CARF: variants seen among roughly 807,000 people sequenced by gnomAD.
The protein encoded by CARF is calcium-responsive transcription factor.
In CARF, 57 loss-of-function variants were observed where a neutral mutation model predicts 82.0. That is an observed-to-expected ratio of 0.70 (90% CI 0.56 to 0.87). The LOEUF is 0.87. Ranked by LOEUF, CARF falls within the 40% of genes least tolerant of loss-of-function variation. The pLI, the probability that CARF is intolerant of heterozygous loss-of-function variation, is 0.00. For missense variants in CARF, 771 were observed against 855.8 expected (o/e 0.90, Z 1.24); for synonymous variants, 268 against 290.1 (o/e 0.92, Z 0.77).
intron 9 of CARF, among the ~76,000 whole-genome samples, chr2:202,965,870 G>A (rs1305773206): frequency 1.6e-4 from 25 of 152,142 alleles, no homozygotes; most frequent in Admixed American, 1.6e-3. Context: ...CCCAAACGTA[G>A]TGGCTGAAAA....
At chr2:202,928,067 G>A (rs1254417256) in intron 3 of CARF, among the ~76,000 whole-genome samples, 1 of 152,160 alleles carries the variant, frequency 6.6e-6, no homozygotes, top group Non-Finnish European at 1.5e-5. Flanking sequence ...ACAGGCATGA[G>A]CAACCGCACT....
intron 2 of CARF, among the ~76,000 whole-genome samples, chr2:202,919,541 G>C (rs1406738707): frequency 1.3e-5 from 2 of 152,156 alleles, no homozygotes; most frequent in East Asian, 1.9e-4. Context: ...TGCATAGTTA[G>C]AGCTCTAGCT....
At chr2:202,959,952 CA>C (rs555377733) in intron 8 of CARF, among the ~76,000 whole-genome samples, 3 of 151,774 alleles carry the variant, frequency 2.0e-5, no homozygotes, top group East Asian at 1.9e-4. Context: ...AGAGAGCTTA[CA>C]AAAAATACGT....
At chr2:202,936,011 A>C (rs1339645915) in intron 3 of CARF, among the ~76,000 whole-genome samples, 1 of 151,924 alleles carries the variant, frequency 6.6e-6, no homozygotes, top group Non-Finnish European at 1.5e-5. Context: ...TCTTGTAGAA[A>C]TGGGATCTCA....
In CARF at chr2:202,977,149, A is replaced by C. The variant is rs555760339; in HGVS notation, c.1495-120A>C. 12 of 703,742 alleles carry C rather than the reference A, an allele frequency of 1.7e-5. No individual in the cohort carries two copies. The South Asian group carries it at 2.0e-4, about 12-fold the overall frequency. The allele number at this position is 703,742 out of a possible 1,614,324, so 43.6% of individuals were successfully genotyped here. On this transcript the variant is annotated intron_variant, in intron 13 of 16. Transcript: ENST00000438828. ...GTGCTTGAAGAATATGAACAAGTGA[A>C]GAGAGTAGTTGCAGAATAAATCACA... is the stretch of plus-strand genomic sequence containing the variant.
At position 202,960,051 on chromosome 2, in the gene CARF, A is replaced by C. The variant is rs117022205; in HGVS notation, c.643-1186A>C. On this transcript the variant is annotated intron_variant, in intron 8 of 16. Coordinates refer to ENST00000438828, the MANE Select transcript of CARF (RefSeq NM_024744.17). Reference sequence around the variant, plus strand: ...GGAACATAAATGGAAGTAAGAAAATACATGTCTTAACCAACTGTGTGTGTG... The same window carrying C: ...GGAACATAAATGGAAGTAAGAAAATCCATGTCTTAACCAACTGTGTGTGTG... 2.0e-4 allele frequency among the ~76,000 whole-genome samples: 30 copies of C among 152,306 alleles called. No homozygotes were observed. In the East Asian group the frequency reaches 5.8e-3, roughly 29 times the overall value.
At chr2:202,969,856 A>G (rs1395459510) in intron 10 of CARF, 63 bp from the exon 11 acceptor site, 1 of 1,080,282 alleles carries the variant, frequency 9.3e-7, no homozygotes, top group Non-Finnish European at 1.3e-6. Flanking sequence ...CTTCTGGTTG[A>G]TAAGATAGAT....
In CARF at chr2:202,952,681, T is replaced by A; in HGVS notation, c.427+2T>A. 6.2e-7 allele frequency: 1 copy of A among 1,606,320 alleles called. No homozygotes were observed. The highest frequency in any genetic ancestry group is 2.2e-5 in the East Asian group (1 of 44,822). ...TTGTGGATGTGAATAGTCCTCGGGG[T>A]GAGTAACAACGGGATATAGGGGATT... On this transcript the variant is annotated splice_donor_variant, in intron 6 of 16. Coordinates refer to ENST00000438828, the MANE Select transcript of CARF (RefSeq NM_024744.17). LOFTEE classifies it high-confidence loss of function.
At chr2:202,939,199 G>A (rs891201576) in intron 3 of CARF, among the ~76,000 whole-genome samples, 4 of 152,030 alleles carry the variant, frequency 2.6e-5, no homozygotes, top group African/African-American at 9.7e-5. Flanking sequence ...TTGAAAAATT[G>A]CCAGCCATTA....
At chr2:202,951,789 T>C (rs759135295) in intron 5 of CARF, among the ~76,000 whole-genome samples, 3 of 152,050 alleles carry the variant, frequency 2.0e-5, no homozygotes, top group African/African-American at 4.8e-5. Context: ...ATATAAATGC[T>C]GAGATACCAA....
intron 1 of CARF, among the ~76,000 whole-genome samples, chr2:202,916,613 A>T (rs1689714101): frequency 6.6e-6 from 1 of 152,222 alleles, no homozygotes; most frequent in Non-Finnish European, 1.5e-5. Flanking sequence ...CTTTCTCTTT[A>T]ATTACCCTAT....
intron 8 of CARF, among the ~76,000 whole-genome samples, chr2:202,957,391 T>G (rs757886195): frequency 2.5e-4 from 38 of 152,162 alleles, no homozygotes; most frequent in Non-Finnish European, 4.7e-4. Context: ...CCTACTTTAT[T>G]TCCTACTTTT....
intron 3 of CARF, among the ~76,000 whole-genome samples, chr2:202,927,549 A>G (rs1177037742): frequency 6.6e-6 from 1 of 151,678 alleles, no homozygotes; most frequent in African/African-American, 2.4e-5. Flanking sequence ...TTTTTCTTTC[A>G]TTATTTTTAA....
intron 6 of CARF, 125 bp downstream of exon 6, chr2:202,952,804 A>C (rs1178357896): frequency 2.2e-6 from 2 of 924,166 alleles, no homozygotes; most frequent in Admixed American, 6.0e-5. Flanking sequence ...GAATTAAATA[A>C]TTAGAAAACA....
intron 3 of CARF, among the ~76,000 whole-genome samples, chr2:202,927,684 A>G (rs1692115432): frequency 6.6e-6 from 1 of 152,112 alleles, no homozygotes; most frequent in South Asian, 2.1e-4. Context: ...ATTTCTTTGT[A>G]TTGGGACCAT....
chr2:202,921,626 C>T (rs1230626334), intron 2 of CARF, among the ~76,000 whole-genome samples: 2 of 152,014 alleles, frequency 1.3e-5, no homozygotes, highest in Admixed American at 6.6e-5. Context: ...ATAGAACAGT[C>T]ACTTGGATGT....
intron 9 of CARF, among the ~76,000 whole-genome samples, chr2:202,965,615 A>G (rs1179986384): frequency 6.6e-6 from 1 of 152,040 alleles, no homozygotes; most frequent in Non-Finnish European, 1.5e-5. Flanking sequence ...ACTATGTTAT[A>G]TATCTTATAA....
intron 2 of CARF, among the ~76,000 whole-genome samples, chr2:202,921,550 C>T (rs868488479): frequency 5.3e-5 from 8 of 152,062 alleles, no homozygotes; most frequent in African/African-American, 1.7e-4. Context: ...AGTTATAAAA[C>T]ACACAGAATA....
chr2:202,925,312 C>T (rs903117326), intron 3 of CARF: 5 of 350,692 alleles, frequency 1.4e-5, no homozygotes, highest in Admixed American at 3.2e-5. Context: ...CTTCCTCATT[C>T]AGCTGTATGA....
Sources: gnomAD v4.1 joint callset for allele counts (sites outside exome capture counted in the v4.1 genomes callset) on GRCh38, gnomAD v4.1.1 for gene constraint, MANE v1.5 for transcripts, NCBI Gene and HGNC (gene_info 2026-07-23, HGNC 2026-07-21) for gene names.